ZNF277: variants seen among roughly 807,000 people sequenced by gnomAD.
ZNF277 encodes zinc finger protein 277.
ZNF277 carries 55 observed loss-of-function variants against 60.7 expected under a neutral mutation model. The ratio of observed to expected loss-of-function variants is 0.91; its 90% confidence interval spans 0.73 to 1.13. The LOEUF (loss-of-function observed/expected upper bound fraction) is 1.13, where lower values mean the gene tolerates loss of function less well. Ranked by LOEUF, ZNF277 falls within the 50% of genes most tolerant of loss-of-function variation. The probability of loss-of-function intolerance (pLI) is 0.00; values close to 1 mark genes in which losing one functional copy is unlikely to be tolerated. For missense variants in ZNF277, 510 were observed against 523.0 expected, an observed-to-expected ratio of 0.98 and a Z score of 0.24; for synonymous variants, 178 against 179.3, an observed-to-expected ratio of 0.99 and a Z score of 0.06.
intron 1 of ZNF277, among the ~76,000 whole-genome samples, chr7:112,254,480 CTG>C (rs766819605): frequency 5.9e-5 from 9 of 152,130 alleles, no homozygotes; most frequent in African/African-American, 1.4e-4. Flanking sequence ...GTGTGTGTGT[CTG>C]GGGTTGTGTT....
rs148188754 is a variant in ZNF277, at chr7:112,310,524, G to A, written c.466-7658G>A. ...TTTATTTTTTATTTGCAATGTAGGT[G>A]CCACCCTACTTTTTTCTTTCTTCTT... On this transcript the variant is annotated intron_variant, in intron 4 of 11. Coordinates refer to ENST00000361822, the MANE Select transcript of ZNF277 (RefSeq NM_021994.3). Among the ~76,000 whole-genome samples the A allele has an allele frequency of 6.0e-4, 86 of 143,020 alleles. 2 individuals carry two copies. The highest frequency in any genetic ancestry group is 2.3e-3 in the African/African-American group (83 of 36,322). 93.8% of individuals were successfully genotyped at this position (143,020 alleles called of 152,430 possible).
intron 7 of ZNF277, among the ~76,000 whole-genome samples, chr7:112,335,273 A>G (rs552310958): frequency 6.6e-6 from 1 of 152,168 alleles, no homozygotes; most frequent in Non-Finnish European, 1.5e-5. Flanking sequence ...AAACATATCC[A>G]TTAATGTTCC....
At chr7:112,227,385 G>C (rs1822203217) in intron 1 of ZNF277, among the ~76,000 whole-genome samples, 1 of 152,180 alleles carries the variant, frequency 6.6e-6, no homozygotes, top group Non-Finnish European at 1.5e-5. Flanking sequence ...CAGATTCTGA[G>C]AGACTCCTGT....
chr7:112,250,568 G>A (rs1469818039), intron 1 of ZNF277, among the ~76,000 whole-genome samples: 3 of 152,230 alleles, frequency 2.0e-5, no homozygotes, highest in South Asian at 2.1e-4. Context: ...CGGATGCCCG[G>A]CTTTAAAATT....
chr7:112,225,271 T>C (rs1822146294), intron 1 of ZNF277, among the ~76,000 whole-genome samples: 1 of 152,196 alleles, frequency 6.6e-6, no homozygotes, highest in African/African-American at 2.4e-5. Context: ...TTAGTGGTAT[T>C]GGCAGGGGCT....
chr7:112,271,463 A>C (rs1791667662), intron 1 of ZNF277, among the ~76,000 whole-genome samples: 1 of 152,194 alleles, frequency 6.6e-6, no homozygotes, highest in African/African-American at 2.4e-5. Flanking sequence ...AGTAATTGTC[A>C]GTAGACAAAT....
At chr7:112,221,804 T>C (rs1480698453) in intron 1 of ZNF277, among the ~76,000 whole-genome samples, 3 of 152,202 alleles carry the variant, frequency 2.0e-5, no homozygotes, top group Non-Finnish European at 4.4e-5. Flanking sequence ...TCCTGCTGTG[T>C]GGCCCAGTTC....
intron 1 of ZNF277, among the ~76,000 whole-genome samples, chr7:112,234,394 A>G (rs1822429525): frequency 6.6e-6 from 1 of 152,170 alleles, no homozygotes; most frequent in Admixed American, 6.5e-5. Context: ...AGTTCATTCT[A>G]GCTGTGTCTT....
At chr7:112,241,775 A>C (rs550436621) in intron 1 of ZNF277, among the ~76,000 whole-genome samples, 15 of 152,250 alleles carry the variant, frequency 9.9e-5, no homozygotes, top group African/African-American at 3.1e-4. Flanking sequence ...ACATGTTCTC[A>C]CTCATTTGTG....
chr7:112,339,888 A>G lies in ZNF277; in HGVS notation c.1009+3A>G. On this transcript the variant is annotated splice_donor_region_variant and intron_variant, in intron 10 of 11. Transcript: ENST00000361822. Reference sequence around the variant, plus strand: ...TCTCAAAATAAAGTCAGAACTTGGTAAGTTTGATTCAGAGGTTTTTTTCTG... The same window carrying G: ...TCTCAAAATAAAGTCAGAACTTGGTGAGTTTGATTCAGAGGTTTTTTTCTG... The G allele has an allele frequency of 2.5e-6, 4 of 1,609,438 alleles. No individual in the cohort carries two copies. The highest frequency in any genetic ancestry group is 3.4e-6 in the Non-Finnish European group (4 of 1,179,840).
intron 1 of ZNF277, among the ~76,000 whole-genome samples, chr7:112,221,048 TCGCAGACCCGC>T (rs1484510583): frequency 6.6e-6 from 1 of 152,038 alleles, no homozygotes; most frequent in Non-Finnish European, 1.5e-5. Context: ...TTTGCCACCA[TCGCAGACCCGC>T]CGCTGACCCG....
At chr7:112,285,989 G>A (rs916507934) in intron 1 of ZNF277, among the ~76,000 whole-genome samples, 2 of 152,068 alleles carry the variant, frequency 1.3e-5, no homozygotes, top group African/African-American at 4.8e-5. Flanking sequence ...CTTTACCCCA[G>A]TTTCCTGATT....
At chr7:112,275,676 A>G (rs1791775131) in intron 1 of ZNF277, among the ~76,000 whole-genome samples, 1 of 152,132 alleles carries the variant, frequency 6.6e-6, no homozygotes, top group South Asian at 2.1e-4. Flanking sequence ...TATTTCTATC[A>G]TGAATTTATA....
intron 1 of ZNF277, among the ~76,000 whole-genome samples, chr7:112,266,571 C>A (rs1050507212): frequency 6.6e-6 from 1 of 151,466 alleles, no homozygotes; most frequent in Non-Finnish European, 1.5e-5. Flanking sequence ...TTTTTGACAG[C>A]GGGGTAAGAG....
chr7:112,301,865 T>C (rs1399604194), intron 4 of ZNF277, among the ~76,000 whole-genome samples: 2 of 152,156 alleles, frequency 1.3e-5, no homozygotes, highest in African/African-American at 4.8e-5. Context: ...TGAAATTTCA[T>C]CCTGAAGTAT....
At chr7:112,292,637 G>A (rs1792235616) in intron 2 of ZNF277, among the ~76,000 whole-genome samples, 1 of 152,122 alleles carries the variant, frequency 6.6e-6, no homozygotes, top group Non-Finnish European at 1.5e-5. Context: ...GACACTAGAG[G>A]AACTGTGTTG....
intron 1 of ZNF277, among the ~76,000 whole-genome samples, chr7:112,210,907 T>C (rs1327968965): frequency 6.6e-6 from 1 of 152,240 alleles, no homozygotes; most frequent in Non-Finnish European, 1.5e-5. Flanking sequence ...GCATTTGTTC[T>C]TTTGCTGTTT....
chr7:112,233,830 T>C (rs1293198350), intron 1 of ZNF277, among the ~76,000 whole-genome samples: 1 of 152,182 alleles, frequency 6.6e-6, no homozygotes, highest in Non-Finnish European at 1.5e-5. Context: ...TAATACACCT[T>C]TTCTAGTTGT....
intron 5 of ZNF277, among the ~76,000 whole-genome samples, chr7:112,321,332 T>C (rs1323374264): frequency 6.6e-6 from 1 of 152,116 alleles, no homozygotes; most frequent in Non-Finnish European, 1.5e-5. Context: ...AACAACTTAA[T>C]TTCAATAATA....
Sources: allele counts gnomAD v4.1 joint callset (sites outside exome capture counted in the v4.1 genomes callset), GRCh38; gene constraint gnomAD v4.1.1; transcripts MANE v1.5; gene names NCBI Gene and HGNC (gene_info 2026-07-23, HGNC 2026-07-21).